The following APBA2 variants were observed in gnomAD, a reference collection of about 807,000 sequenced individuals.
The protein encoded by APBA2 is amyloid beta precursor protein binding family A member 2, also known as amyloid-beta A4 precursor protein-binding family A member 2.
APBA2 carries 30 observed loss-of-function variants against 75.0 expected under a neutral mutation model. That is an observed-to-expected ratio of 0.40 (90% CI 0.30 to 0.54). APBA2 has a LOEUF of 0.54. Among genes scored for constraint, APBA2 ranks in the 20% least tolerant of loss-of-function variants. The probability of loss-of-function intolerance (pLI) is 0.49; values close to 1 mark genes in which losing one functional copy is unlikely to be tolerated. For missense variants in APBA2, 801 were observed against 1,016.1 expected, an observed-to-expected ratio of 0.79 and a Z score of 2.88; for synonymous variants, 444 against 409.6, an observed-to-expected ratio of 1.08 and a Z score of -1.01.
At chr15:28,900,989 T>A (rs1269377941) in intron 1 of APBA2, among the ~76,000 whole-genome samples, 1 of 152,218 alleles carries the variant, frequency 6.6e-6, no homozygotes, top group Non-Finnish European at 1.5e-5. Context: ...ACTCGGTAGC[T>A]GCTCCAGGAA....
At chr15:29,075,491 G>A (rs937024659) in intron 5 of APBA2, among the ~76,000 whole-genome samples, 3 of 151,972 alleles carry the variant, frequency 2.0e-5, no homozygotes, top group African/African-American at 7.3e-5. Flanking sequence ...CTGATTTGTG[G>A]TAACCAAAAA....
At chr15:28,984,943 C>T (rs1346447396) in intron 2 of APBA2, among the ~76,000 whole-genome samples, 1 of 151,866 alleles carries the variant, frequency 6.6e-6, no homozygotes, top group Non-Finnish European at 1.5e-5. Flanking sequence ...CTCTCCCTCT[C>T]TCCCCCTCCG....
chr15:28,889,774 A>G (rs1329151732), intron 1 of APBA2, among the ~76,000 whole-genome samples: 1 of 152,162 alleles, frequency 6.6e-6, no homozygotes, highest in Non-Finnish European at 1.5e-5. Flanking sequence ...AGATGCTCAC[A>G]TGGCTGGCCC....
chr15:28,985,216 G>C (rs1046746118), intron 2 of APBA2, among the ~76,000 whole-genome samples: 2 of 152,224 alleles, frequency 1.3e-5, no homozygotes, highest in Non-Finnish European at 2.9e-5. Context: ...GAGCACGGCT[G>C]CTGTGCTCTG....
chr15:29,033,810 A>T (rs914505623), intron 3 of APBA2, among the ~76,000 whole-genome samples: 3 of 151,998 alleles, frequency 2.0e-5, no homozygotes, highest in East Asian at 1.9e-4. Context: ...AAATATTTTT[A>T]AAAAATTAGC....
intron 2 of APBA2, among the ~76,000 whole-genome samples, chr15:28,942,661 T>C (rs1540642): frequency 0.3 from 45,483 of 152,118 alleles, 11,259 homozygotes; most frequent in African/African-American, 0.66. Context: ...CCATTTCCTC[T>C]TGCAACCATC....
At chr15:28,966,637 G>A (rs1331070572) in intron 2 of APBA2, among the ~76,000 whole-genome samples, 1 of 152,080 alleles carries the variant, frequency 6.6e-6, no homozygotes, top group Non-Finnish European at 1.5e-5. Context: ...TTCTGCCAAT[G>A]TCTGTTATTT....
chr15:29,026,793 C>T (rs781686854), intron 3 of APBA2, among the ~76,000 whole-genome samples: 2 of 151,600 alleles, frequency 1.3e-5, no homozygotes, highest in Non-Finnish European at 2.9e-5. Flanking sequence ...TGGTGTTGGG[C>T]GCCCATACTC....
intron 1 of APBA2, among the ~76,000 whole-genome samples, chr15:28,917,219 C>T (rs998281705): frequency 5.3e-5 from 8 of 152,184 alleles, no homozygotes; most frequent in East Asian, 1.9e-4. Context: ...TGGGGAAAGA[C>T]GGTAAATAAC....
intron 1 of APBA2, among the ~76,000 whole-genome samples, chr15:28,904,475 T>G (rs951216203): frequency 1.3e-5 from 2 of 152,248 alleles, no homozygotes; most frequent in Non-Finnish European, 2.9e-5. Context: ...TCATGATCCC[T>G]TACTATAAAT....
intron 3 of APBA2, 90 bp from the exon 4 acceptor site, chr15:29,053,755 G>A (rs146062610): frequency 4.7e-4 from 360 of 760,706 alleles, no homozygotes; most frequent in African/African-American, 4.6e-3. Context: ...GCGGGAGGAC[G>A]TGGTGGGAGG....
In APBA2 at chr15:28,886,016, G is replaced by GCGCAGGCCCGGCAGC. The variant is rs1595376882; in HGVS notation, c.-458_-444dup. ...TGAGGCGGAAGCGGCCGGGGCGGGG[G>GCGCAGGCCCGGCAGC]CGCAGGCCCGGCAGCCGCAGGCCGG... On this transcript the variant is annotated 5_prime_UTR_variant, in exon 1 of 15. Coordinates refer to ENST00000683413, the MANE Select transcript of APBA2 (RefSeq NM_001353788.2). 6.7e-6 allele frequency: 1 copy of GCGCAGGCCCGGCAGC among 149,636 alleles called. No homozygotes were observed. The highest frequency in any genetic ancestry group is 2.4e-5 in the African/African-American group (1 of 41,120). 9.3% of individuals were successfully genotyped at this position (149,636 alleles called of 1,614,324 possible).
rs199510860 is a variant in APBA2 at position 29,054,356 on chromosome 15, C to G, written c.472C>G (p.Gln158Glu). 1 of 1,614,098 alleles carries G rather than the reference C, an allele frequency of 6.2e-7. No homozygotes were observed. ...CCACGGCCACGAGGCTGAAGGCAGCCAGGACTACCCAGACGGCCAACTGCC... is the reference window on the plus strand; with the variant it reads ...CCACGGCCACGAGGCTGAAGGCAGCGAGGACTACCCAGACGGCCAACTGCC... ...HPHGHEAEGS[Q>E]DYPDGQLPIP... Residue 158 changes from glutamine to glutamate, a missense_variant, in exon 4 of 15, where the codon CAG becomes GAG. By Grantham distance (29) the Gln-to-Glu change is conservative (BLOSUM62 2). Coordinates refer to ENST00000683413, the MANE Select transcript of APBA2 (RefSeq NM_001353788.2). This position sits in a 1 kb window ranked among gnomAD's most constrained non-coding sequence, Gnocchi z 6.1.
At chr15:28,943,533 G>A (rs887733956) in intron 2 of APBA2, among the ~76,000 whole-genome samples, 1 of 152,232 alleles carries the variant, frequency 6.6e-6, no homozygotes, top group African/African-American at 2.4e-5. Context: ...AGGAAACCAA[G>A]GCTCTGAGGG....
At chr15:29,107,253 C>T (rs73370284) in intron 12 of APBA2, among the ~76,000 whole-genome samples, 37 of 152,278 alleles carry the variant, frequency 2.4e-4, no homozygotes, top group African/African-American at 8.9e-4. Context: ...GACGCAGGTT[C>T]CCTTAAGTAA....
intron 3 of APBA2, among the ~76,000 whole-genome samples, chr15:29,026,741 G>A (rs946344124): frequency 1.4e-5 from 2 of 147,742 alleles, no homozygotes; most frequent in Admixed American, 6.7e-5. Flanking sequence ...GTGAAACCCC[G>A]TCTCTACTGA....
chr15:28,983,329 A>C (rs1304045877), intron 2 of APBA2, among the ~76,000 whole-genome samples: 1 of 152,202 alleles, frequency 6.6e-6, no homozygotes, highest in Non-Finnish European at 1.5e-5. Flanking sequence ...TTCATTTTCC[A>C]GACGAAAAGA....
In APBA2 at chr15:28,926,778, T is replaced by G. The variant is rs76546466; in HGVS notation, c.-95+5029T>G. Among the ~76,000 whole-genome samples, 214 of 152,236 alleles carry G rather than the reference T, an allele frequency of 1.4e-3. 2 individuals are homozygous for G. In the East Asian group the frequency reaches 0.035, roughly 25 times the overall value. ...TTTCTCCTTCATTTTTGAAGGATACTTTTTCTGAACATAGAATGCTAGGTT... is the reference window on the plus strand; with the variant it reads ...TTTCTCCTTCATTTTTGAAGGATACGTTTTCTGAACATAGAATGCTAGGTT... On this transcript the variant is annotated intron_variant, in intron 2 of 14. Coordinates refer to ENST00000683413, the MANE Select transcript of APBA2 (RefSeq NM_001353788.2).
At chr15:29,022,246 GT>G (rs1486313431) in intron 3 of APBA2, among the ~76,000 whole-genome samples, 1 of 152,104 alleles carries the variant, frequency 6.6e-6, no homozygotes, top group Non-Finnish European at 1.5e-5. Context: ...ATACCAATTT[GT>G]ATTCCTATCA....
Sources: gnomAD v4.1 joint callset for allele counts (sites outside exome capture counted in the v4.1 genomes callset) on GRCh38, gnomAD v4.1.1 for gene constraint, Gnocchi (gnomAD v3.1) non-coding constraint, MANE v1.5 for transcripts, NCBI Gene and HGNC (gene_info 2026-07-23, HGNC 2026-07-21) for gene names.